Variants in USH2A observed in about 807,000 individuals in gnomAD.
USH2A encodes usherin, also known as Usher syndrome 2A (autosomal recessive, mild).
A neutral mutation model predicts 538.9 loss-of-function variants in USH2A; 443 were observed. The ratio of observed to expected loss-of-function variants is 0.82; its 90% CI spans 0.76 to 0.89. The LOEUF (loss-of-function observed/expected upper bound fraction) is 0.89, where lower values mean the gene tolerates loss of function less well. Among genes scored for constraint, USH2A ranks in the 40% least tolerant of loss-of-function variants. The probability of loss-of-function intolerance (pLI) is 0.00; values close to 1 mark genes in which losing one functional copy is unlikely to be tolerated. For synonymous variants in USH2A, 2,413 were observed against 2,273.5 expected (o/e 1.06, Z -1.75); for missense variants, 6,633 against 6,324.8 (o/e 1.05, Z -1.65).
At chr1:216,343,213 A>C (rs1205120498) in intron 4 of USH2A, among the ~76,000 whole-genome samples, 1 of 151,928 alleles carries the variant, frequency 6.6e-6, no homozygotes, top group African/African-American at 2.4e-5. Context: ...TTTTAGAAAA[A>C]ATTCTAATAT....
intron 37 of USH2A, among the ~76,000 whole-genome samples, chr1:215,943,111 C>T (rs1443066450): frequency 3.3e-5 from 5 of 152,054 alleles, no homozygotes; most frequent in Non-Finnish European, 4.4e-5. Flanking sequence ...AGCTCAGAAC[C>T]AGTGCAAAAT....
chr1:216,115,659 A>G (rs1039707786), intron 21 of USH2A, among the ~76,000 whole-genome samples: 10 of 152,128 alleles, frequency 6.6e-5, no homozygotes, highest in African/African-American at 2.4e-4. Context: ...TACGTACTGT[A>G]TTTATTCAAT....
At chr1:216,068,588 C>T (rs1243281322) in intron 30 of USH2A, among the ~76,000 whole-genome samples, 2 of 151,832 alleles carry the variant, frequency 1.3e-5, no homozygotes, top group Non-Finnish European at 2.9e-5. Context: ...CAGACAGAGG[C>T]GTTAAAAATA....
chr1:215,739,312 G>A (rs1407277398), intron 60 of USH2A, among the ~76,000 whole-genome samples: 1 of 152,152 alleles, frequency 6.6e-6, no homozygotes, highest in Non-Finnish European at 1.5e-5. Context: ...AGAATAATCA[G>A]ATGCCATCAA....
chr1:216,286,157 C>A (rs1434059414), intron 11 of USH2A, among the ~76,000 whole-genome samples: 1 of 152,114 alleles, frequency 6.6e-6, no homozygotes, highest in East Asian at 1.9e-4. Context: ...TGTGTCCCAA[C>A]CCAAATCTCA....
chr1:215,828,811 A>G (rs1233170883), intron 47 of USH2A, among the ~76,000 whole-genome samples: 1 of 152,206 alleles, frequency 6.6e-6, no homozygotes, highest in Non-Finnish European at 1.5e-5. Context: ...AATGTAATAA[A>G]ACATCTTTCT....
At chr1:215,719,319 G>T (rs1659584310) in intron 61 of USH2A, among the ~76,000 whole-genome samples, 1 of 149,598 alleles carries the variant, frequency 6.7e-6, no homozygotes, top group Non-Finnish European at 1.5e-5. Flanking sequence ...GATGTTGTTG[G>T]GGCAGGGGGG....
chr1:215,838,067 T>C lies in USH2A; in HGVS notation c.9295A>G (p.Asn3099Asp). ...VCTIYACVKS[N>D]GTQITTVEDT... ...TCCACAGTGGTAATTTGGGTTCCATTGCTTTTCACGCAGGCATATATTGTG... is the reference window on the plus strand; with the variant it reads ...TCCACAGTGGTAATTTGGGTTCCATCGCTTTTCACGCAGGCATATATTGTG... The change falls in exon 47 of 72, where the codon AAT (asparagine) becomes GAT (aspartate). Residue 3099 changes from asparagine to aspartate, a missense_variant. By Grantham distance (23) the Asn-to-Asp change is conservative (BLOSUM62 1). Coordinates refer to ENST00000307340, the MANE Select transcript of USH2A (RefSeq NM_206933.4). The C allele has an allele frequency of 1.2e-6, 2 of 1,614,026 alleles. No homozygotes were observed. Among genetic ancestry groups the C allele is most frequent in the East Asian group, 2.2e-5 (1 of 44,854 alleles).
intron 30 of USH2A, among the ~76,000 whole-genome samples, chr1:216,062,141 A>C (rs1396539040): frequency 6.6e-6 from 1 of 152,218 alleles, no homozygotes; most frequent in Non-Finnish European, 1.5e-5. Context: ...ATAGCCCTCA[A>C]ATTATGGAAG....
chr1:216,395,410 C>G (rs950078581), intron 3 of USH2A, among the ~76,000 whole-genome samples: 6 of 152,094 alleles, frequency 3.9e-5, no homozygotes, highest in African/African-American at 1.4e-4. Flanking sequence ...GTCACCAATT[C>G]AGAATTCTTA....
intron 3 of USH2A, among the ~76,000 whole-genome samples, chr1:216,412,000 T>C (rs1225529371): frequency 6.6e-6 from 1 of 152,198 alleles, no homozygotes; most frequent in Non-Finnish European, 1.5e-5. Context: ...ATTATAATTT[T>C]GCCTTTATTT....
intron 9 of USH2A, among the ~76,000 whole-genome samples, chr1:216,299,927 C>T (rs529602170): frequency 1.3e-5 from 2 of 152,202 alleles, no homozygotes; most frequent in African/African-American, 4.8e-5. Context: ...AAATGACACA[C>T]CAATGCCTAT....
At chr1:216,205,720 T>C (rs1052506202) in intron 16 of USH2A, among the ~76,000 whole-genome samples, 1 of 152,176 alleles carries the variant, frequency 6.6e-6, no homozygotes, top group Admixed American at 6.5e-5. Context: ...GTGTATTAAA[T>C]GAAGAGAACA....
At chr1:215,802,873 G>A (rs183917390) in intron 49 of USH2A, among the ~76,000 whole-genome samples, 6 of 152,162 alleles carry the variant, frequency 3.9e-5, no homozygotes, top group African/African-American at 1.4e-4. Flanking sequence ...CCCAATGTCC[G>A]CTGATGAATA....
chr1:216,021,441 A>G (rs1558216088), intron 32 of USH2A, among the ~76,000 whole-genome samples: 2 of 152,130 alleles, frequency 1.3e-5, no homozygotes, highest in Non-Finnish European at 2.9e-5. Flanking sequence ...CTCTTCTGCC[A>G]TGATTATGAG....
At chr1:215,657,925 T>G (rs1438344091) in intron 64 of USH2A, among the ~76,000 whole-genome samples, 1 of 115,238 alleles carries the variant, frequency 8.7e-6, no homozygotes, top group African/African-American at 3.2e-5. Flanking sequence ...AAATTTGCCC[T>G]GATTTTTTTT....
At chr1:215,842,809 G>C (rs1240838301) in intron 46 of USH2A, among the ~76,000 whole-genome samples, 2 of 151,890 alleles carry the variant, frequency 1.3e-5, no homozygotes, top group African/African-American at 4.8e-5. Context: ...GGGGCCTGTT[G>C]GGGGGGCATC....
intron 32 of USH2A, among the ~76,000 whole-genome samples, chr1:216,019,702 G>A (rs182166923): frequency 1.3e-5 from 2 of 152,276 alleles, no homozygotes; most frequent in East Asian, 3.9e-4. Context: ...AAGGCTGGGA[G>A]AGCGTCACCC....
intron 29 of USH2A, among the ~76,000 whole-genome samples, chr1:216,071,620 T>C (rs1206338993): frequency 6.6e-6 from 1 of 152,218 alleles, no homozygotes; most frequent in Admixed American, 6.5e-5. Flanking sequence ...TTGCTATAAA[T>C]TCAGAGCTCT....
Sources: gnomAD v4.1 joint callset for allele counts (sites outside exome capture counted in the v4.1 genomes callset) on GRCh38, gnomAD v4.1.1 for gene constraint, MANE v1.5 for transcripts, NCBI Gene and HGNC (gene_info 2026-07-23, HGNC 2026-07-21) for gene names.